PRAME: variants seen among roughly 807,000 people sequenced by gnomAD.
PRAME encodes the protein melanoma antigen preferentially expressed in tumors.
A neutral mutation model predicts 32.1 loss-of-function variants in PRAME; 21 were observed. That is an observed-to-expected ratio of 0.65 (90% CI 0.46 to 0.94). PRAME has a LOEUF of 0.94. Ranked by LOEUF, PRAME falls within the 40% of genes least tolerant of loss-of-function variation. PRAME has a pLI of 0.00. For missense variants in PRAME, 651 were observed against 622.3 expected, an observed-to-expected ratio of 1.05 and a Z score of -0.49; for synonymous variants, 274 against 251.5, an observed-to-expected ratio of 1.09 and a Z score of -0.85.
intron 3 of PRAME, chr22:22,554,163 G>C (rs1036385017): frequency 4.1e-6 from 4 of 985,018 alleles, no homozygotes; most frequent in Admixed American, 6.2e-5. Flanking sequence ...TCCTGGGCCT[G>C]ATCACCCACT....
In PRAME at chr22:22,548,518, A is replaced by G. The variant is rs1314384857; in HGVS notation, c.1079T>C (p.Met360Thr). 6.2e-7 allele frequency: 1 copy of G among 1,613,604 alleles called. No individual in the cohort carries two copies. The highest frequency in any genetic ancestry group is 8.5e-7 in the Non-Finnish European group (1 of 1,179,946). The change falls in exon 6 of 6, where the codon ATG (methionine) becomes ACG (threonine). Residue 360 changes from methionine (M) to threonine (T), a missense_variant. Transcript: ENST00000405655. ...GGGCTCGGGACTTACATCGGTCAGC[A>G]TGACCCCACTTAGACTCAGGACACT... ...QLSVLSLSGV[M>T]LTDVSPEPLQ... is the part of the protein sequence containing the mutation.
At chr22:22,549,379 C>A (rs528454508) in intron 5 of PRAME, among the ~76,000 whole-genome samples, 1 of 152,022 alleles carries the variant, frequency 6.6e-6, no homozygotes, top group South Asian at 2.1e-4. Context: ...CTTTGATGGG[C>A]TTTCCCTTCT....
intron 3 of PRAME, chr22:22,555,752 G>A: frequency 4.8e-6 from 2 of 420,580 alleles, no homozygotes; most frequent in South Asian, 3.4e-5. Context: ...AACCCAGGTT[G>A]CATGTTCTCC....
chr22:22,550,708 C>A, intron 4 of PRAME, 59 bp downstream of exon 4: 1 of 1,500,980 alleles, frequency 6.7e-7, no homozygotes, highest in Non-Finnish European at 9.0e-7. Context: ...CTCCCTGACC[C>A]CAGCTGCATC....
chr22:22,551,241 C>T (rs1169434606), intron 3 of PRAME, 152 bp from the exon 4 acceptor site: 3 of 661,736 alleles, frequency 4.5e-6, no homozygotes, highest in Non-Finnish European at 7.5e-6. Flanking sequence ...TTCCACTCTG[C>T]ACTCGGTGGC....
chr22:22,553,084 ACAAAAC>A, intron 3 of PRAME: 1 of 373,110 alleles, frequency 2.7e-6, no homozygotes, highest in South Asian at 2.0e-5. Flanking sequence ...GAAAAAGTGA[ACAAAAC>A]CACCCAGAGA....
At position 22,548,567 on chromosome 22, in the gene PRAME, G is replaced by C. The variant is rs935148315; in HGVS notation, c.1030C>G (p.Gln344Glu). Residue 344 changes from glutamine (Q) to glutamate (E), a missense_variant, in exon 6 of 6, where the codon CAG becomes GAG. Transcript: ENST00000405655. The stretch of plus-strand genomic sequence containing the variant: ...CTTAGCTGACTGACGCTGGGACTCT[G>C]GGACAGATGCATCACATCCCCTTCC... Reference protein sequence around the residue: ...LSEGDVMHLSQSPSVSQLSVL... With the variant: ...LSEGDVMHLSESPSVSQLSVL... 6.8e-6 allele frequency: 11 copies of C among 1,613,080 alleles called. No homozygotes were observed. Among genetic ancestry groups the C allele is most frequent in the Non-Finnish European group, 9.3e-6 (11 of 1,179,920 alleles).
intron 3 of PRAME, among the ~76,000 whole-genome samples, chr22:22,556,445 G>C (rs2062922244): frequency 6.6e-6 from 1 of 151,764 alleles, no homozygotes; most frequent in Non-Finnish European, 1.5e-5. Flanking sequence ...TGAGTAGCTG[G>C]GACTACAGGT....
At position 22,550,189 on chromosome 22, in the gene PRAME, A is replaced by C; in HGVS notation, c.490T>G (p.Leu164Val). The C allele has an allele frequency of 1.9e-6, 3 of 1,613,798 alleles. No homozygotes were observed. The highest frequency in any genetic ancestry group is 2.5e-6 in the Non-Finnish European group (3 of 1,179,960). Residue 164 changes from leucine (L) to valine (V), a missense_variant, in exon 5 of 6, where the codon TTG becomes GTG. Transcript: ENST00000405655. Reference sequence around the variant, plus strand: ...AAGGGCTGCTCTGCCTCTGTGCTCAAACCATCTACTTTTCGCTTCTTTGTC... The same window carrying C: ...AAGGGCTGCTCTGCCTCTGTGCTCACACCATCTACTTTTCGCTTCTTTGTC... ...PMTKKRKVDGLSTEAEQPFIP... is the reference protein window; with the variant it reads ...PMTKKRKVDGVSTEAEQPFIP...
intron 3 of PRAME, chr22:22,554,277 GTGTCCAGCTGGAA>G: frequency 1.0e-6 from 1 of 981,318 alleles, no homozygotes; most frequent in Non-Finnish European, 1.2e-6. Context: ...CTACTGGCAA[GTGTCCAGCTGGAA>G]TGTCTTGCGG....
In PRAME at chr22:22,550,222, G is replaced by T. The variant is rs1031074012; in HGVS notation, c.457C>A (p.Gln153Lys). ...ACTTTTCGCTTCTTTGTCATGGGCT[G>T]AGCTGCTTCTGGCTCTGGAAATGAG... ...LYSFPEPEAAQPMTKKRKVDG... is the reference protein window; with the variant it reads ...LYSFPEPEAAKPMTKKRKVDG... Residue 153 changes from glutamine (Q) to lysine (K), a missense_variant, in exon 5 of 6, where the codon CAG becomes AAG. Transcript: ENST00000405655. 2 of 1,613,702 alleles carry T rather than the reference G, an allele frequency of 1.2e-6. No homozygotes were observed. The highest frequency in any genetic ancestry group is 1.7e-6 in the Non-Finnish European group (2 of 1,179,968).
chr22:22,556,980 G>A (rs1024322565), intron 2 of PRAME, 71 bp from the exon 3 acceptor site: 2 of 1,018,134 alleles, frequency 2.0e-6, no homozygotes, highest in South Asian at 2.7e-5. Flanking sequence ...ACGGCCTCCT[G>A]TGAAAACCTC....
At chr22:22,552,159 T>TA (rs1365507192) in intron 3 of PRAME, among the ~76,000 whole-genome samples, 2 of 151,012 alleles carry the variant, frequency 1.3e-5, no homozygotes, top group Non-Finnish European at 2.9e-5. Flanking sequence ...AAAATGTCTT[T>TA]AATTCCAAAG....
At position 22,549,909 on chromosome 22, in the gene PRAME, C is replaced by T. The variant is rs769799479; in HGVS notation, c.770G>A (p.Gly257Asp). Residue 257 changes from glycine (G) to aspartate (D), a missense_variant, in exon 5 of 6, where the codon GGC (glycine) becomes GAC (aspartate). By Grantham distance (94) the Gly-to-Asp change is moderately conservative. Transcript: ENST00000405655. ...PTLAKFSPYL[G>D]QMINLRRLLL... ...GAGTCTACGCAGATTAATCATCTGGCCCAGGTAAGGAGAAAATTTCGCCAA... is the reference window on the plus strand; with the variant it reads ...GAGTCTACGCAGATTAATCATCTGGTCCAGGTAAGGAGAAAATTTCGCCAA... The T allele has an allele frequency of 1.9e-6, 3 of 1,613,664 alleles. No homozygotes were observed. The highest frequency in any genetic ancestry group is 2.5e-6 in the Non-Finnish European group (3 of 1,179,972).
At chr22:22,556,361 A>G (rs1165917823) in intron 3 of PRAME, among the ~76,000 whole-genome samples, 1 of 151,102 alleles carries the variant, frequency 6.6e-6, no homozygotes, top group South Asian at 2.1e-4. Context: ...GCCAGGCTGG[A>G]GTGCAGTGGC....
rs773895840 is a variant in PRAME, at chr22:22,550,272, C to T, written c.407G>A (p.Trp136Ter). ...KNSHQDFWTV[W>*]SGNRASLYSF... is the part of the protein sequence containing the mutation. ...GTACAGACTGGCCCTGTTTCCAGACCATACAGTCCAGAAGTCCTGATGAGA... is the reference window on the plus strand; with the variant it reads ...GTACAGACTGGCCCTGTTTCCAGACTATACAGTCCAGAAGTCCTGATGAGA... Residue 136 changes from tryptophan (W) to a stop codon, truncating the protein, a stop_gained, in exon 5 of 6, where the codon TGG becomes TAG. Transcript: ENST00000405655. LOFTEE classifies it high-confidence loss of function. 4 of 1,613,686 alleles carry T rather than the reference C, an allele frequency of 2.5e-6. No homozygotes were observed. Among genetic ancestry groups the T allele is most frequent in the African/African-American group, 1.3e-5 (1 of 74,844 alleles).
At chr22:22,550,655 T>G in intron 4 of PRAME, 112 bp downstream of exon 4, 1 of 1,267,092 alleles carries the variant, frequency 7.9e-7, no homozygotes, top group Non-Finnish European at 1.1e-6. Flanking sequence ...ACTTCCTTGC[T>G]GGCAACCATC....
rs966619952 is a variant in PRAME at position 22,547,781 on chromosome 22, A to C, written c.*286T>G. On this transcript the variant is annotated 3_prime_UTR_variant, in exon 6 of 6. Transcript: ENST00000405655. ...GGATTAACTCCTACATGTACTTCCC[A>C]AGCCAGAATCTCCCTTTAGAAATTC... is the stretch of plus-strand genomic sequence containing the variant. 6.2e-6 allele frequency: 3 copies of C among 481,428 alleles called. No homozygotes were observed. Among genetic ancestry groups the C allele is most frequent in the Admixed American group, 7.7e-5 (2 of 26,128 alleles). 29.8% of individuals were successfully genotyped at this position (481,428 alleles called of 1,614,324 possible).
In PRAME at chr22:22,547,889, TC is replaced by T. The variant is rs552815478; in HGVS notation, c.*177del. ...AGTCAACATCTGCCTACCCCCAACT[TC>T]CCCTTTTTTTCCTCACTGAACATTT... On this transcript the variant is annotated 3_prime_UTR_variant, in exon 6 of 6. Transcript: ENST00000405655. 309 of 696,418 alleles carry T rather than the reference TC, an allele frequency of 4.4e-4. 1 individual carries two copies. Among genetic ancestry groups the T allele is most frequent in the Admixed American group, 1.4e-3 (51 of 35,180 alleles). 43.1% of individuals were successfully genotyped at this position (696,418 alleles called of 1,614,324 possible). A position where few individuals can be genotyped will look rare whatever the true frequency, so the allele number is the denominator to read the frequency against.
Sources: gnomAD v4.1 joint callset for allele counts (sites outside exome capture counted in the v4.1 genomes callset) on GRCh38, gnomAD v4.1.1 for gene constraint, MANE v1.5 for transcripts, NCBI Gene and HGNC (gene_info 2026-07-23, HGNC 2026-07-21) for gene names.